Variants in LAX1 observed in about 807,000 individuals in gnomAD.
The protein encoded by LAX1 is lymphocyte transmembrane adaptor 1, also known as lymphocyte transmembrane adapter 1.
In LAX1, 17 loss-of-function variants were observed where a neutral mutation model predicts 20.7. The ratio of observed to expected loss-of-function variants is 0.82; its 90% CI spans 0.56 to 1.23. The LOEUF (loss-of-function observed/expected upper bound fraction) is 1.23. LAX1 is among the 50% of genes most tolerant of loss of function. The pLI is 0.00. For missense variants in LAX1, 470 were observed against 487.0 expected (o/e 0.97, Z 0.33); for synonymous variants, 165 against 181.0 (o/e 0.91, Z 0.71).
chr1:203,770,557 G>GAAAGAAAGAAAGAAAGAA lies in LAX1; in HGVS notation c.90-258_90-257insAAGAAAAAGAAAGAAAGA, dbSNP rs1558070963. Reference sequence around the variant, plus strand: ...AGAAAGAAAGAAAGAAAGAAAGAAAGAAAGAAAGAAAGAGATTAATAAGTT... The same window carrying GAAAGAAAGAAAGAAAGAA: ...AGAAAGAAAGAAAGAAAGAAAGAAAGAAAGAAAGAAAGAAAGAAAAAGAAAGAAAGAGATTAATAAGTT... On this transcript the variant is annotated intron_variant, in intron 1 of 4. Transcript: ENST00000442561. Among the ~76,000 whole-genome samples the GAAAGAAAGAAAGAAAGAA allele has an allele frequency of 4.2e-4, 49 of 117,322 alleles. 6 individuals are homozygous for GAAAGAAAGAAAGAAAGAA. The highest frequency in any genetic ancestry group is 1.4e-3 in the African/African-American group (45 of 31,204). The allele number at this position is 117,322 out of a possible 152,430, so 77.0% of individuals were successfully genotyped here.
chr1:203,774,727 A>G lies in LAX1; in HGVS notation c.*46A>G, dbSNP rs534298038. 6.6e-7 allele frequency: 1 copy of G among 1,526,356 alleles called. No individual in the cohort carries two copies. The highest frequency in any genetic ancestry group is 9.0e-7 in the Non-Finnish European group (1 of 1,113,336). The allele number at this position is 1,526,356 out of a possible 1,614,324, so 94.6% of individuals were successfully genotyped here. ...AAAGCCACATTGAGTAGTCTATCCCATAGGATTGACTACTGCAGAGTCTAG... is the reference window on the plus strand; with the variant it reads ...AAAGCCACATTGAGTAGTCTATCCCGTAGGATTGACTACTGCAGAGTCTAG... On this transcript the variant is annotated 3_prime_UTR_variant, in exon 5 of 5. Transcript: ENST00000442561.
intron 2 of LAX1, among the ~76,000 whole-genome samples, 178 bp downstream of exon 2, chr1:203,771,115 G>A (rs912355098): frequency 6.6e-6 from 1 of 152,198 alleles, no homozygotes; most frequent in African/African-American, 2.4e-5. Flanking sequence ...AAAGCCCAGT[G>A]CTGATGGAGT....
intron 1 of LAX1, among the ~76,000 whole-genome samples, chr1:203,769,400 AG>A (rs1199474984): frequency 1.4e-5 from 1 of 70,264 alleles, no homozygotes; most frequent in Non-Finnish European, 3.6e-5. Flanking sequence ...TCAAAAAAAA[AG>A]AAAGAAAGAA....
Position 203,774,794 on chromosome 1 carries a change from GT to G in LAX1, c.*115del. 1.2e-6 allele frequency: 1 copy of G among 853,514 alleles called. No homozygotes were observed. Among genetic ancestry groups the G allele is most frequent in the Non-Finnish European group, 1.8e-6 (1 of 556,940 alleles). 52.9% of individuals were successfully genotyped at this position (853,514 alleles called of 1,614,324 possible). A position where few individuals can be genotyped will look rare whatever the true frequency, so the allele number is the denominator to read the frequency against. ...CCTTAGTGCTTCAGTGGATTCACTGGTTAGATTAAAAAGAGGCTGAGATGAG... is the reference window on the plus strand; with the variant it reads ...CCTTAGTGCTTCAGTGGATTCACTGGTAGATTAAAAAGAGGCTGAGATGAG... On this transcript the variant is annotated 3_prime_UTR_variant, in exon 5 of 5. Transcript: ENST00000442561.
At chr1:203,771,334 G>A (rs3820195) in intron 2 of LAX1, 33 bp from the exon 3 acceptor site, 164,646 of 1,331,646 alleles carry the variant, frequency 0.12, 20,659 homozygotes, top group East Asian at 0.6. Context: ...GCTGACCCCC[G>A]CCATGACTCC....
intron 1 of LAX1, among the ~76,000 whole-genome samples, chr1:203,769,192 C>T (rs1354243153): frequency 1.3e-5 from 2 of 151,656 alleles, no homozygotes; most frequent in Non-Finnish European, 2.9e-5. Flanking sequence ...AGTTCAAGAC[C>T]AGCCTGGCCA....
chr1:203,771,526 T>C, intron 3 of LAX1, 49 bp downstream of exon 3: 1 of 1,114,572 alleles, frequency 9.0e-7, no homozygotes, highest in Non-Finnish European at 1.4e-6. Flanking sequence ...GAACTTCTAC[T>C]CCCAGAATGT....
chr1:203,774,593 C>T lies in LAX1; in HGVS notation c.1109C>T (p.Ser370Phe). ...AGAGAAGAGATGTCAAATGAGGACT[C>T]CAGTGACTATGAAAATGTGCTAACT... The part of the protein sequence containing the change: ...KHREEMSNED[S>F]SDYENVLTAK... Residue 370 changes from serine (S) to phenylalanine (F), a missense_variant, in exon 5 of 5, where the codon TCC becomes TTC. Physicochemically the swap from Ser to Phe is radical, Grantham distance 155. Transcript: ENST00000442561. 1.2e-6 allele frequency: 2 copies of T among 1,614,162 alleles called. No homozygotes were observed. Among genetic ancestry groups the T allele is most frequent in the Non-Finnish European group, 1.7e-6 (2 of 1,180,022 alleles).
chr1:203,770,803 A>T (rs765976948), intron 1 of LAX1, 25 bp from the exon 2 acceptor site: 1 of 1,568,224 alleles, frequency 6.4e-7, no homozygotes. Context: ...TACAGCTAGC[A>T]CATGTCATTC....
At chr1:203,768,311 C>CA (rs1026990897) in intron 1 of LAX1, among the ~76,000 whole-genome samples, 2 of 149,934 alleles carry the variant, frequency 1.3e-5, no homozygotes, top group East Asian at 3.9e-4. Flanking sequence ...AACTCCATCT[C>CA]AAAAAAAAAG....
chr1:203,769,397 A>AAAAGAAAGAAAGAAAGAAAGAAAGAAAG (rs1200921518), intron 1 of LAX1, among the ~76,000 whole-genome samples: 4 of 76,688 alleles, frequency 5.2e-5, no homozygotes, highest in African/African-American at 2.2e-4. Flanking sequence ...GTCTCAAAAA[A>AAAAGAAAGAAAGAAAGAAAGAAAGAAAG]AAAGAAAGAA....
At position 203,774,126 on chromosome 1, in the gene LAX1, A is replaced by G. The variant is rs1386907943; in HGVS notation, c.642A>G (p.Arg214=). ...ETLASTKSPS[R]NLFVLPSTQK... ...TAGCTTCTACCAAAAGCCCTTCCAG[A>G]AATCTCTTTGTTCTTCCCAGTACCC... The change falls in exon 5 of 5, where the codon AGA becomes AGG. Residue 214 remains arginine, a synonymous_variant. Coordinates refer to ENST00000442561, the MANE Select transcript of LAX1 (RefSeq NM_017773.4). 6.2e-7 allele frequency: 1 copy of G among 1,614,204 alleles called. No individual in the cohort carries two copies. The highest frequency in any genetic ancestry group is 1.1e-5 in the South Asian group (1 of 91,080).
intron 1 of LAX1, 61 bp downstream of exon 1, chr1:203,765,715 A>G (rs912835377): frequency 8.7e-6 from 13 of 1,494,056 alleles, no homozygotes; most frequent in Admixed American, 3.5e-5. Context: ...GTCCTAGTCC[A>G]CCCTTAGGAG....
At chr1:203,771,957 C>A in intron 3 of LAX1, 111 bp from the exon 4 acceptor site, 1 of 849,218 alleles carries the variant, frequency 1.2e-6, no homozygotes, top group Non-Finnish European at 2.0e-6. Context: ...AGACCCAAGG[C>A]TGGAAATTCC....
Position 203,774,569 on chromosome 1 carries a change from G to A in LAX1, c.1085G>A (p.Arg362Lys), listed in dbSNP as rs780815818. 8.1e-6 allele frequency: 13 copies of A among 1,614,114 alleles called. No homozygotes were observed. The highest frequency in any genetic ancestry group is 1.1e-5 in the South Asian group (1 of 91,090). ...AGTGAGGACAGTCAGATGAAACATA[G>A]AGAAGAGATGTCAAATGAGGACTCC... ...TQSEDSQMKHREEMSNEDSSD... is the reference protein window; with the variant it reads ...TQSEDSQMKHKEEMSNEDSSD... The change falls in exon 5 of 5, where the codon AGA becomes AAA. Residue 362 changes from arginine to lysine, a missense_variant. Physicochemically the swap from Arg to Lys is conservative, Grantham distance 26 (BLOSUM62 2). Coordinates refer to ENST00000442561, the MANE Select transcript of LAX1 (RefSeq NM_017773.4).
intron 1 of LAX1, 49 bp from the exon 2 acceptor site, chr1:203,770,779 C>T (rs112239018): frequency 3.5e-6 from 5 of 1,443,774 alleles, no homozygotes; most frequent in Non-Finnish European, 4.9e-6. Flanking sequence ...TCTCCTCCAG[C>T]CTCTCCACCC....
At chr1:203,769,991 G>A (rs549248701) in intron 1 of LAX1, among the ~76,000 whole-genome samples, 2 of 152,272 alleles carry the variant, frequency 1.3e-5, no homozygotes, top group East Asian at 3.9e-4. Flanking sequence ...GTCTTTGGAC[G>A]CAAACAGACC....
At chr1:203,772,212 T>C (rs1194024738) in intron 4 of LAX1, 65 bp downstream of exon 4, 6 of 1,254,146 alleles carry the variant, frequency 4.8e-6, no homozygotes, top group African/African-American at 2.9e-5. Context: ...GAAAGAGTTA[T>C]AGGGCTTAGA....
rs904475665 is a variant in LAX1, at chr1:203,775,538, A to G, written c.*857A>G. On this transcript the variant is annotated 3_prime_UTR_variant, in exon 5 of 5. Coordinates refer to ENST00000442561, the MANE Select transcript of LAX1 (RefSeq NM_017773.4). ...TTTTCAGCAGTTTCTTATAAGCATA[A>G]CTTATCATATGGCCCAGCCATTTCA... 2.0e-5 allele frequency: 3 copies of G among 152,208 alleles called. No homozygotes were observed. Among genetic ancestry groups the G allele is most frequent in the African/African-American group, 7.2e-5 (3 of 41,446 alleles). 9.4% of individuals were successfully genotyped at this position (152,208 alleles called of 1,614,324 possible).
Sources: allele counts gnomAD v4.1 joint callset (sites outside exome capture counted in the v4.1 genomes callset), GRCh38; gene constraint gnomAD v4.1.1; transcripts MANE v1.5; gene names NCBI Gene and HGNC (gene_info 2026-07-23, HGNC 2026-07-21).